NRXN3: variants seen among roughly 807,000 people sequenced by gnomAD.
NRXN3 encodes the protein neurexin III.
A neutral mutation model predicts 137.6 loss-of-function variants in NRXN3; 32 were observed. The ratio of observed to expected loss-of-function variants is 0.23; its 90% confidence interval spans 0.18 to 0.31. The LOEUF (loss-of-function observed/expected upper bound fraction) is 0.31. Among genes scored for constraint, NRXN3 ranks in the 10% least tolerant of loss-of-function variants. The pLI, the probability that NRXN3 is intolerant of heterozygous loss-of-function variation, is 1.00. For missense variants in NRXN3, 1,574 were observed against 2,062.5 expected, an observed-to-expected ratio of 0.76 and a Z score of 4.59; for synonymous variants, 798 against 784.5, an observed-to-expected ratio of 1.02 and a Z score of -0.29.
At position 78,725,161 on chromosome 14, in the gene NRXN3, A is replaced by G. The variant is rs2098477418; in HGVS notation, c.2044+10022A>G. Among the ~76,000 whole-genome samples the G allele has an allele frequency of 2.0e-5, 3 of 152,316 alleles. No individual in the cohort carries two copies. The South Asian group carries it at 6.2e-4, about 32-fold the overall frequency. On this transcript the variant is annotated intron_variant, in intron 8 of 20. Coordinates refer to ENST00000335750, the MANE Select transcript of NRXN3 (RefSeq NM_001330195.2). The stretch of plus-strand genomic sequence containing the variant: ...CCTCTTTGTTTCTGCAGGGTAAGAA[A>G]GCCCTGTGCATTTCAGATTTCAATC...
chr14:79,136,702 A>G (rs543679101), intron 15 of NRXN3, among the ~76,000 whole-genome samples: 6 of 152,346 alleles, frequency 3.9e-5, no homozygotes, highest in Non-Finnish European at 8.8e-5. Context: ...AATGAGCTTC[A>G]TAAATACAAA....
chr14:79,545,209 G>A (rs1259651548), intron 16 of NRXN3, among the ~76,000 whole-genome samples: 1 of 152,168 alleles, frequency 6.6e-6, no homozygotes, highest in Non-Finnish European at 1.5e-5. Flanking sequence ...ATTTATGAGA[G>A]TTCTGAAGGT....
intron 20 of NRXN3, among the ~76,000 whole-genome samples, chr14:79,832,376 A>T (rs911249207): frequency 1.3e-5 from 2 of 152,210 alleles, no homozygotes; most frequent in Non-Finnish European, 2.9e-5. Flanking sequence ...ACTAGAGACA[A>T]GAGTCGAGCC....
At chr14:78,248,575 T>G (rs1479856167) in intron 2 of NRXN3, among the ~76,000 whole-genome samples, 7 of 151,940 alleles carry the variant, frequency 4.6e-5, no homozygotes. Flanking sequence ...AAGGGACCAG[T>G]GGTTGCCTCA....
chr14:78,480,996 C>T (rs1349031798), intron 4 of NRXN3, among the ~76,000 whole-genome samples: 2 of 152,110 alleles, frequency 1.3e-5, no homozygotes, highest in African/African-American at 4.8e-5. Context: ...TTTCAGTGGG[C>T]ATGAAGGGAA....
chr14:78,399,931 A>G (rs2091891621), intron 4 of NRXN3, among the ~76,000 whole-genome samples: 2 of 152,228 alleles, frequency 1.3e-5, no homozygotes, highest in Admixed American at 6.5e-5. Context: ...GGAAACTAGA[A>G]TTAGCTATGT....
chr14:79,124,880 GT>G (rs149742513), intron 15 of NRXN3, among the ~76,000 whole-genome samples: 24 of 151,068 alleles, frequency 1.6e-4, no homozygotes, highest in Admixed American at 1.1e-3. Flanking sequence ...TAAAATAGCT[GT>G]TTTTTTTTCT....
chr14:79,004,063 T>A (rs1416111118), intron 15 of NRXN3, among the ~76,000 whole-genome samples: 1 of 152,194 alleles, frequency 6.6e-6, no homozygotes, highest in Non-Finnish European at 1.5e-5. Context: ...ACTTTCATAC[T>A]CTAGGTGTTT....
At chr14:78,757,792 T>A (rs994587394) in intron 8 of NRXN3, among the ~76,000 whole-genome samples, 1 of 152,212 alleles carries the variant, frequency 6.6e-6, no homozygotes, top group Non-Finnish European at 1.5e-5. Flanking sequence ...TTTTGACAAA[T>A]GTACCATTGT....
At chr14:79,210,126 C>T (rs2153224901) in intron 15 of NRXN3, among the ~76,000 whole-genome samples, 1 of 152,240 alleles carries the variant, frequency 6.6e-6, no homozygotes, top group South Asian at 2.1e-4. Flanking sequence ...TTTGGGTAAC[C>T]ACCTTAATTT....
chr14:79,136,611 C>A (rs2058251460), intron 15 of NRXN3, among the ~76,000 whole-genome samples: 1 of 152,166 alleles, frequency 6.6e-6, no homozygotes, highest in Admixed American at 6.5e-5. Flanking sequence ...TCACAGCTGA[C>A]AATTGCTAAG....
chr14:79,400,643 T>C (rs1236969337), intron 15 of NRXN3, among the ~76,000 whole-genome samples: 2 of 152,186 alleles, frequency 1.3e-5, no homozygotes, highest in African/African-American at 4.8e-5. Context: ...AGCCCAAACA[T>C]TCGTCATTAT....
At chr14:78,469,708 A>G (rs1466095083) in intron 4 of NRXN3, among the ~76,000 whole-genome samples, 1 of 152,200 alleles carries the variant, frequency 6.6e-6, no homozygotes, top group Non-Finnish European at 1.5e-5. Flanking sequence ...GAAAAGCTCT[A>G]TAGTGTATAA....
chr14:78,369,183 T>C (rs1379801240), intron 4 of NRXN3, among the ~76,000 whole-genome samples: 1 of 152,116 alleles, frequency 6.6e-6, no homozygotes, highest in Non-Finnish European at 1.5e-5. Flanking sequence ...TCATCTCCAT[T>C]TTATAAATGA....
intron 4 of NRXN3, among the ~76,000 whole-genome samples, chr14:78,320,299 C>T (rs2079173939): frequency 6.6e-6 from 1 of 152,126 alleles, no homozygotes; most frequent in African/African-American, 2.4e-5. Flanking sequence ...CATTTAAAAC[C>T]TAAATCTGTA....
intron 15 of NRXN3, among the ~76,000 whole-genome samples, chr14:79,117,151 ATAT>A (rs1360656083): frequency 6.6e-6 from 1 of 152,224 alleles, no homozygotes; most frequent in Non-Finnish European, 1.5e-5. Context: ...CATTCTGGTA[ATAT>A]TTGTCAGAAA....
At position 78,777,909 on chromosome 14, in the gene NRXN3, C is replaced by T. The variant is rs577757082; in HGVS notation, c.2045-25711C>T. Among the ~76,000 whole-genome samples, 6 of 152,170 alleles carry T rather than the reference C, an allele frequency of 3.9e-5. No individual in the cohort carries two copies. In the East Asian group the frequency reaches 1.2e-3, roughly 30 times the overall value. On this transcript the variant is annotated intron_variant, in intron 8 of 20. Coordinates refer to ENST00000335750, the MANE Select transcript of NRXN3 (RefSeq NM_001330195.2). ...TCCCAAGTAACTGGAACTATAGGTG[C>T]ATGCCACCACTCCGGACTAATTTTT...
At chr14:79,826,494 A>G (rs2141150226) in intron 20 of NRXN3, among the ~76,000 whole-genome samples, 1 of 152,308 alleles carries the variant, frequency 6.6e-6, no homozygotes, top group South Asian at 2.1e-4. Context: ...AAACATATTT[A>G]TGTAGATATG....
intron 16 of NRXN3, among the ~76,000 whole-genome samples, chr14:79,481,933 C>T (rs1477574401): frequency 6.6e-6 from 1 of 151,878 alleles, no homozygotes; most frequent in Non-Finnish European, 1.5e-5. Context: ...GAGTTGTGGG[C>T]CCAGGTGGGG....
Sources: gnomAD v4.1 joint callset for allele counts (sites outside exome capture counted in the v4.1 genomes callset) on GRCh38, gnomAD v4.1.1 for gene constraint, MANE v1.5 for transcripts, NCBI Gene and HGNC (gene_info 2026-07-23, HGNC 2026-07-21) for gene names.